Variants in ANKRD31 observed in about 807,000 individuals in gnomAD.
The protein encoded by ANKRD31 is ankyrin repeat domain-containing protein 31.
ANKRD31 carries 147 observed loss-of-function variants against 186.0 expected under a neutral mutation model. The observed-to-expected ratio is 0.79, with a 90% CI of 0.69 to 0.91. The LOEUF (loss-of-function observed/expected upper bound fraction) is 0.91, where lower values mean the gene tolerates loss of function less well. Among genes scored for constraint, ANKRD31 ranks in the 40% least tolerant of loss-of-function variants. The probability of loss-of-function intolerance (pLI) is 0.00; values close to 1 mark genes in which losing one functional copy is unlikely to be tolerated. For missense variants in ANKRD31, 1,986 were observed against 2,148.8 expected (o/e 0.92, Z 1.50); for synonymous variants, 673 against 736.4 (o/e 0.91, Z 1.39).
At chr5:75,083,644 C>A (rs1248998860) in intron 24 of ANKRD31, among the ~76,000 whole-genome samples, 2 of 151,976 alleles carry the variant, frequency 1.3e-5, no homozygotes, top group Non-Finnish European at 2.9e-5. Context: ...GCAGAAGAAT[C>A]ACTTGAACCC....
chr5:75,084,244 G>A (rs753031267), intron 24 of ANKRD31, 28 bp downstream of exon 24: 23 of 1,482,560 alleles, frequency 1.6e-5, no homozygotes, highest in Admixed American at 4.0e-5. Flanking sequence ...ATCCCACAAC[G>A]AAGAAATGAG....
intron 5 of ANKRD31, among the ~76,000 whole-genome samples, chr5:75,201,281 T>C (rs915725222): frequency 9.8e-5 from 15 of 152,332 alleles, no homozygotes; most frequent in Admixed American, 7.2e-4. Flanking sequence ...CACAGCATGA[T>C]AAGCAAAAAG....
At chr5:75,163,238 T>G (rs910650436) in intron 11 of ANKRD31, among the ~76,000 whole-genome samples, 29 of 152,246 alleles carry the variant, frequency 1.9e-4, no homozygotes, top group African/African-American at 6.8e-4. Flanking sequence ...TTGGAATATT[T>G]GCACTACCCT....
intron 22 of ANKRD31, among the ~76,000 whole-genome samples, chr5:75,101,651 TCTC>T (rs1746891158): frequency 6.6e-6 from 1 of 152,186 alleles, no homozygotes; most frequent in East Asian, 1.9e-4. Flanking sequence ...TCTCTAAACT[TCTC>T]CTCTCGCTTC....
chr5:75,211,864 G>C (rs1425362242), intron 3 of ANKRD31, among the ~76,000 whole-genome samples: 1 of 151,772 alleles, frequency 6.6e-6, no homozygotes, highest in Non-Finnish European at 1.5e-5. Context: ...GGAGTTGTAA[G>C]AACTCTTTAT....
At position 75,137,912 on chromosome 5, in the gene ANKRD31, C is replaced by A; in HGVS notation, c.3820G>T (p.Glu1274Ter). 1 of 1,533,304 alleles carries A rather than the reference C, an allele frequency of 6.5e-7. No individual in the cohort carries two copies. Among genetic ancestry groups the A allele is most frequent in the Non-Finnish European group, 8.7e-7 (1 of 1,145,064 alleles). 95.0% of individuals were successfully genotyped at this position (1,533,304 alleles called of 1,614,324 possible). A position where few individuals can be genotyped will look rare whatever the true frequency, so the allele number is the denominator to read the frequency against. Reference protein sequence around the residue: ...LLKAGAKVNCENIDGILPLHD... With the variant: ...LLKAGAKVNC ...AAGGGCAGAATTCCATCTATATTTT[C>A]ACAATTAACCTTAGCACCAGCTTTT... Residue 1274 changes from glutamate (E) to a stop codon, truncating the protein, a stop_gained, in exon 17 of 26, where the codon GAA becomes TAA. Coordinates refer to ENST00000506364, the MANE Select transcript of ANKRD31 (RefSeq NM_001372053.1). LOFTEE classifies it high-confidence loss of function.
intron 15 of ANKRD31, among the ~76,000 whole-genome samples, chr5:75,140,420 C>T (rs181736875): frequency 1.8e-4 from 28 of 152,134 alleles, no homozygotes; most frequent in Admixed American, 3.3e-4. Context: ...AGAAAATATT[C>T]GTTAAATCAG....
chr5:75,209,747 C>T (rs1009073248), intron 4 of ANKRD31, among the ~76,000 whole-genome samples: 2 of 152,240 alleles, frequency 1.3e-5, no homozygotes, highest in East Asian at 3.9e-4. Context: ...TTTCATCACA[C>T]AGAATATTAA....
chr5:75,202,523 A>G (rs112776443), intron 5 of ANKRD31, among the ~76,000 whole-genome samples: 131 of 152,378 alleles, frequency 8.6e-4, no homozygotes, highest in African/African-American at 2.6e-3. Flanking sequence ...ATTCTAAAGC[A>G]TCAAATTCAA....
rs1405001650 is a variant in ANKRD31, at chr5:75,147,020, G to T, written c.2391C>A (p.Ser797Arg). The change falls in exon 14 of 26, where the codon AGC becomes AGA. Residue 797 changes from serine to arginine, a missense_variant. Ser to Arg is a moderately radical substitution (Grantham distance 110). Transcript: ENST00000506364. ...TGGAAACTGAACAAGCCTCAGTACTGCTATCTAATCCATTTCTCAGGCTTG... is the reference window on the plus strand; with the variant it reads ...TGGAAACTGAACAAGCCTCAGTACTTCTATCTAATCCATTTCTCAGGCTTG... The part of the protein sequence containing the change: ...TLSSLRNGLD[S>R]STEACSVSKE... 1 of 1,536,254 alleles carries T rather than the reference G, an allele frequency of 6.5e-7. No individual in the cohort carries two copies. The highest frequency in any genetic ancestry group is 1.2e-5 in the South Asian group (1 of 84,050).
At chr5:75,192,311 A>C (rs753868236) in intron 9 of ANKRD31, among the ~76,000 whole-genome samples, 1 of 152,172 alleles carries the variant, frequency 6.6e-6, no homozygotes, top group Non-Finnish European at 1.5e-5. Flanking sequence ...GGAACACAGA[A>C]ATAAGATCTA....
At chr5:75,130,575 G>A (rs1369689337) in intron 17 of ANKRD31, among the ~76,000 whole-genome samples, 1 of 152,064 alleles carries the variant, frequency 6.6e-6, no homozygotes, top group Non-Finnish European at 1.5e-5. Flanking sequence ...GTAGAGCGCT[G>A]ATTGGTGCAT....
chr5:75,079,604 A>G (rs1278934267), intron 25 of ANKRD31, among the ~76,000 whole-genome samples: 1 of 152,000 alleles, frequency 6.6e-6, no homozygotes, highest in Non-Finnish European at 1.5e-5. Context: ...CCTGCTGGGT[A>G]GCTGGGATTA....
At chr5:75,176,703 A>G (rs1753828958) in intron 10 of ANKRD31, among the ~76,000 whole-genome samples, 3 of 152,204 alleles carry the variant, frequency 2.0e-5, no homozygotes. Flanking sequence ...TAACAAAAAG[A>G]AAGGACATCC....
At chr5:75,192,582 A>C (rs78724414) in intron 9 of ANKRD31, 85 bp downstream of exon 9, 6 of 1,121,888 alleles carry the variant, frequency 5.3e-6, no homozygotes, top group Admixed American at 2.6e-5. Flanking sequence ...GCAAAATTAG[A>C]AAGTTGAGAA....
rs745717989 is a variant in ANKRD31, at chr5:75,146,170, A to C, written c.3241T>G (p.Leu1081Val). The C allele has an allele frequency of 1.3e-6, 2 of 1,535,860 alleles. No individual in the cohort carries two copies. Among genetic ancestry groups the C allele is most frequent in the South Asian group, 2.4e-5 (2 of 83,928 alleles). The change falls in exon 14 of 26, where the codon TTA (leucine) becomes GTA (valine). Residue 1081 changes from leucine (L) to valine (V), a missense_variant. Coordinates refer to ENST00000506364, the MANE Select transcript of ANKRD31 (RefSeq NM_001372053.1). ...ACTTGAGAATGAGCAACTATGGATA[A>C]AGGCTCATTTGAATAAATTATTTTT... is the stretch of plus-strand genomic sequence containing the variant. ...DQKIIYSNEP[L>V]SIVAHSQVIE...
At chr5:75,179,993 C>T (rs7341106) in intron 10 of ANKRD31, among the ~76,000 whole-genome samples, 76,743 of 151,942 alleles carry the variant, frequency 0.51, 22,327 homozygotes, top group African/African-American at 0.81. Flanking sequence ...CCCATTGTCT[C>T]AGCCCAAAAT....
intron 17 of ANKRD31, among the ~76,000 whole-genome samples, chr5:75,135,257 T>G (rs902273775): frequency 1.3e-5 from 2 of 152,188 alleles, no homozygotes; most frequent in African/African-American, 4.8e-5. Context: ...TGATTGTATA[T>G]TTAGGAAACC....
chr5:75,106,142 G>A (rs1465320296), intron 21 of ANKRD31, among the ~76,000 whole-genome samples: 1 of 152,046 alleles, frequency 6.6e-6, no homozygotes, highest in Non-Finnish European at 1.5e-5. Flanking sequence ...CATTCTATCA[G>A]GCTTTATCAT....
Sources: gnomAD v4.1 joint callset for allele counts (sites outside exome capture counted in the v4.1 genomes callset) on GRCh38, gnomAD v4.1.1 for gene constraint, MANE v1.5 for transcripts, NCBI Gene and HGNC (gene_info 2026-07-23, HGNC 2026-07-21) for gene names.